The following TDRD12 variants were observed in gnomAD, a reference collection of about 807,000 sequenced individuals.
TDRD12 encodes tudor domain containing 12.
TDRD12 carries 158 observed loss-of-function variants against 133.5 expected under a neutral mutation model. The observed-to-expected ratio is 1.18, with a 90% CI of 1.04 to 1.35. The LOEUF (loss-of-function observed/expected upper bound fraction) is 1.35, where lower values mean the gene tolerates loss of function less well. TDRD12 is among the 40% of genes most tolerant of loss of function. The pLI is 0.00. For missense variants in TDRD12, 1,443 were observed against 1,321.3 expected (o/e 1.09, Z -1.43); for synonymous variants, 460 against 477.9 (o/e 0.96, Z 0.49).
exon 25 of TDRD12, chr19:32,813,758 A>C: frequency 6.5e-7 from 1 of 1,532,744 alleles, no homozygotes; most frequent in Non-Finnish European, 8.7e-7. Context: ...TGGGAAATAC[A>C]GTTTGGATTG....
intron 21 of TDRD12, among the ~76,000 whole-genome samples, chr19:32,805,198 T>TAC (rs762012247): frequency 1.1e-4 from 9 of 80,446 alleles, no homozygotes; most frequent in East Asian, 3.0e-4. Flanking sequence ...AATATATATA[T>TAC]ACACACACAC....
intron 19 of TDRD12, among the ~76,000 whole-genome samples, chr19:32,802,157 A>G (rs929128926): frequency 6.5e-4 from 93 of 142,844 alleles, no homozygotes; most frequent in African/African-American, 2.3e-3. Flanking sequence ...TATCATATAT[A>G]TATATGATAA....
intron 9 of TDRD12, 63 bp from the exon 33 acceptor site, chr19:32,827,100 TG>T (rs1224453089): frequency 5.5e-6 from 5 of 914,378 alleles, no homozygotes; most frequent in Middle Eastern, 3.8e-4. Context: ...ACCCAAATAA[TG>T]GGGGGAAATA....
At chr19:32,725,338 A>C (rs1202437090) in intron 1 of TDRD12, among the ~76,000 whole-genome samples, 1 of 148,318 alleles carries the variant, frequency 6.7e-6, no homozygotes, top group African/African-American at 2.5e-5. Context: ...TTTTTTTTTT[A>C]TAGTTTTAGG....
chr19:32,754,226 T>C (rs1969923044), intron 6 of TDRD12, among the ~76,000 whole-genome samples: 1 of 152,224 alleles, frequency 6.6e-6, no homozygotes, highest in South Asian at 2.1e-4. Context: ...CCCAGCACTT[T>C]GGGAGGCTGA....
chr19:32,807,079 A>G (rs534532750), intron 21 of TDRD12, among the ~76,000 whole-genome samples: 7 of 152,280 alleles, frequency 4.6e-5, no homozygotes, highest in East Asian at 3.9e-4. Context: ...TATTATGGCA[A>G]TGTATTTCTA....
In TDRD12 at chr19:32,826,541, T is replaced by A. The variant is rs554307580; in HGVS notation, c.993T>A (p.Pro331=). Residue 331 remains proline (P), a synonymous_variant, in exon 9 of 10, where the codon CCT becomes CCA. Coordinates refer to the TDRD12 transcript ENST00000637289. ...AATGTGTGATTAGAAACGATGAACCTGTAATCACTCTGGCCAAAGAGAGAA... is the reference window on the plus strand; with the variant it reads ...AATGTGTGATTAGAAACGATGAACCAGTAATCACTCTGGCCAAAGAGAGAA... 12 of 1,246,616 alleles carry A rather than the reference T, an allele frequency of 9.6e-6. No homozygotes were observed. The African/African-American group carries it at 1.9e-4, about 19-fold the overall frequency. 77.2% of individuals were successfully genotyped at this position (1,246,616 alleles called of 1,614,324 possible). A position where few individuals can be genotyped will look rare whatever the true frequency, so the allele number is the denominator to read the frequency against.
intron 8 of TDRD12, among the ~76,000 whole-genome samples, chr19:32,768,444 C>T (rs1970358936): frequency 1.3e-5 from 2 of 149,246 alleles, no homozygotes; most frequent in Non-Finnish European, 1.5e-5. Flanking sequence ...AGCTGGAGTG[C>T]AGTGGTGTGA....
chr19:32,787,819 A>G (rs775198230), intron 11 of TDRD12, among the ~76,000 whole-genome samples: 1 of 152,162 alleles, frequency 6.6e-6, no homozygotes. Context: ...GGGCAGGAGT[A>G]TACTGCTCCT....
At chr19:32,811,443 C>G in intron 24 of TDRD12, 23 bp downstream of exon 24, 1 of 1,516,446 alleles carries the variant, frequency 6.6e-7, no homozygotes, top group Non-Finnish European at 8.9e-7. Flanking sequence ...GGCTTTTTAT[C>G]TATTGTTGAC....
At chr19:32,729,525 T>C (rs1262804184) in intron 1 of TDRD12, among the ~76,000 whole-genome samples, 1 of 151,660 alleles carries the variant, frequency 6.6e-6, no homozygotes, top group Non-Finnish European at 1.5e-5. Flanking sequence ...CCTAAATTTT[T>C]ATTTTTCATT....
At chr19:32,827,074 A>G (rs1327597327) in intron 9 of TDRD12, 90 bp from the exon 33 acceptor site, 1 of 649,588 alleles carries the variant, frequency 1.5e-6, no homozygotes, top group Admixed American at 4.4e-5. Context: ...AACCCAAGGC[A>G]TTTTTTTCTG....
rs1361241313 is a variant in TDRD12 at position 32,773,549 on chromosome 19, C to A, written c.1040+17C>A. Reference sequence around the variant, plus strand: ...AGAAGCAAGGTATGATTTGAAAATTCAAACTGGGTGTGGTGGCGCCTGCCT... The same window carrying A: ...AGAAGCAAGGTATGATTTGAAAATTAAAACTGGGTGTGGTGGCGCCTGCCT... On this transcript the variant is annotated intron_variant, in intron 10 of 27. Transcript: ENST00000444215. 1 of 1,550,476 alleles carries A rather than the reference C, an allele frequency of 6.4e-7. No individual in the cohort carries two copies. Among genetic ancestry groups the A allele is most frequent in the Middle Eastern group, 1.7e-4 (1 of 5,980 alleles).
intron 11 of TDRD12, 28 bp downstream of exon 11, chr19:32,777,257 G>A (rs1388103641): frequency 1.6e-6 from 2 of 1,278,220 alleles, no homozygotes; most frequent in African/African-American, 1.5e-5. Flanking sequence ...GGCCTGAATT[G>A]TGTATTGAAA....
intron 8 of TDRD12, among the ~76,000 whole-genome samples, chr19:32,764,979 A>C (rs1319206605): frequency 1.3e-5 from 2 of 152,194 alleles, no homozygotes; most frequent in African/African-American, 4.8e-5. Flanking sequence ...AAATTTTTGC[A>C]ATCTACTCAT....
At chr19:32,826,655 G>A (rs571997165) in intron 9 of TDRD12, 28 bp from the exon 32 acceptor site, 242 of 1,230,592 alleles carry the variant, frequency 2.0e-4, no homozygotes, top group Middle Eastern at 3.1e-4. Flanking sequence ...ATATTCACGC[G>A]CTCACTGTCA....
chr19:32,798,308 G>T (rs1176036533), exon 16 of TDRD12: 2 of 1,522,734 alleles, frequency 1.3e-6, no homozygotes, highest in Non-Finnish European at 1.8e-6. Context: ...TTAAATGCAG[G>T]TGATGTGATT....
Position 32,821,015 on chromosome 19 carries a change from C to T in TDRD12, c.3384-18C>T, listed in dbSNP as rs1456311115. 1 of 1,533,126 alleles carries T rather than the reference C, an allele frequency of 6.5e-7. No individual in the cohort carries two copies. Among genetic ancestry groups the T allele is most frequent in the South Asian group, 1.2e-5 (1 of 83,830 alleles). The allele number at this position is 1,533,126 out of a possible 1,614,324, so 95.0% of individuals were successfully genotyped here. On this transcript the variant is annotated intron_variant, in intron 27 of 27. Coordinates refer to ENST00000444215, the Ensembl canonical transcript of TDRD12. Reference sequence around the variant, plus strand: ...TCCTGTAGAGAGCCAGGTGTTAACCCCTGCCTCTCCCGTCTAGGACGCCTC... The same window carrying T: ...TCCTGTAGAGAGCCAGGTGTTAACCTCTGCCTCTCCCGTCTAGGACGCCTC...
At chr19:32,723,550 T>A (rs983145995) in intron 1 of TDRD12, among the ~76,000 whole-genome samples, 9 of 151,964 alleles carry the variant, frequency 5.9e-5, no homozygotes, top group Non-Finnish European at 1.0e-4. Flanking sequence ...TGCCTGGCCC[T>A]TTATAGATAA....
Sources: allele counts gnomAD v4.1 joint callset (sites outside exome capture counted in the v4.1 genomes callset), GRCh38; gene constraint gnomAD v4.1.1; transcripts MANE v1.5; gene names NCBI Gene and HGNC (gene_info 2026-07-23, HGNC 2026-07-21).